Variants in DLGAP2 observed in about 807,000 individuals in gnomAD.
DLGAP2 encodes DLG associated protein 2, also known as disks large-associated protein 2.
A neutral mutation model predicts 100.3 loss-of-function variants in DLGAP2; 26 were observed. The observed-to-expected ratio is 0.26, with a 90% CI of 0.19 to 0.36. The LOEUF (loss-of-function observed/expected upper bound fraction) is 0.36, where lower values mean the gene tolerates loss of function less well. DLGAP2 is among the 10% of genes least tolerant of loss of function. The pLI, the probability that DLGAP2 is intolerant of heterozygous loss-of-function variation, is 1.00. For synonymous variants in DLGAP2, 886 were observed against 630.1 expected (o/e 1.41, Z -6.08); for missense variants, 1,858 against 1,453.2 (o/e 1.28, Z -4.53).
Position 1,699,517 on chromosome 8 carries a change from G to A in DLGAP2, c.2950-1671G>A, listed in dbSNP as rs1048108163. ...TAGTCCCAGCTACTCAGGAGGCTGA[G>A]GCAGGAGAATGGAGTGAACCCGGAA... On this transcript the variant is annotated intron_variant, in intron 14 of 14. Transcript: ENST00000637795. Among the ~76,000 whole-genome samples, 69 of 152,188 alleles carry A rather than the reference G, an allele frequency of 4.5e-4. 1 individual carries two copies. Among genetic ancestry groups the A allele is most frequent in the African/African-American group, 1.5e-3 (62 of 41,548 alleles).
At chr8:1,462,588 G>A (rs956329468) in intron 3 of DLGAP2, among the ~76,000 whole-genome samples, 7 of 152,098 alleles carry the variant, frequency 4.6e-5, no homozygotes, top group South Asian at 2.1e-4. Context: ...CTGCTGTCAC[G>A]GGACTGTGGC....
intron 3 of DLGAP2, among the ~76,000 whole-genome samples, chr8:1,287,658 GTATGGTTC>G (rs1799969790): frequency 9.8e-6 from 1 of 101,830 alleles, no homozygotes; most frequent in Non-Finnish European, 1.9e-5. Context: ...GTGTGTGTGT[GTATGGTTC>G]TGTTAGGAGG....
At chr8:1,167,998 A>G (rs1025318876) in intron 2 of DLGAP2, among the ~76,000 whole-genome samples, 6 of 150,758 alleles carry the variant, frequency 4.0e-5, no homozygotes, top group African/African-American at 1.5e-4. Context: ...GTCATCTAGC[A>G]TTAGGTATAT....
chr8:780,363 C>T (rs1273005795), intron 1 of DLGAP2, among the ~76,000 whole-genome samples: 3 of 152,206 alleles, frequency 2.0e-5, no homozygotes, highest in Non-Finnish European at 4.4e-5. Context: ...ACTGTGCACA[C>T]ACCACGTTTT....
At chr8:902,624 C>G (rs11784528) in intron 1 of DLGAP2, among the ~76,000 whole-genome samples, 6,528 of 11,076 alleles carry the variant, frequency 0.59, 1,862 homozygotes, top group Admixed American at 0.68. Flanking sequence ...TGCCAGGGGT[C>G]GGGGGTGGAA....
chr8:1,672,297 G>A (rs1798710197), intron 10 of DLGAP2, among the ~76,000 whole-genome samples: 1 of 151,096 alleles, frequency 6.6e-6, no homozygotes, highest in Non-Finnish European at 1.5e-5. Context: ...ACGATCTCAG[G>A]TCACTGCAGC....
At chr8:1,361,175 C>T (rs1409154237) in intron 3 of DLGAP2, among the ~76,000 whole-genome samples, 1 of 152,174 alleles carries the variant, frequency 6.6e-6, no homozygotes, top group African/African-American at 2.4e-5. Context: ...GCAACAGTGT[C>T]TGCAGGGGTC....
chr8:1,452,596 A>G (rs1162622927), intron 3 of DLGAP2, among the ~76,000 whole-genome samples: 3 of 152,218 alleles, frequency 2.0e-5, no homozygotes, highest in African/African-American at 7.2e-5. Context: ...TGGAGGCAGG[A>G]CACAGGGAAG....
At chr8:1,449,724 C>T (rs1431728118) in intron 3 of DLGAP2, among the ~76,000 whole-genome samples, 1 of 152,114 alleles carries the variant, frequency 6.6e-6, no homozygotes, top group Non-Finnish European at 1.5e-5. Context: ...CCAGGACAAG[C>T]CTTGCTGTAA....
At chr8:1,158,571 T>C (rs13273049) in intron 2 of DLGAP2, among the ~76,000 whole-genome samples, 63,419 of 152,158 alleles carry the variant, frequency 0.42, 13,837 homozygotes, top group Non-Finnish European at 0.48. Flanking sequence ...CTGCTCTCTT[T>C]TCATGGCTTT....
intron 1 of DLGAP2, among the ~76,000 whole-genome samples, chr8:785,171 C>T (rs1321759130): frequency 7.7e-6 from 1 of 130,364 alleles, no homozygotes; most frequent in Non-Finnish European, 1.5e-5. Flanking sequence ...GAGCAGAGAT[C>T]GTGCCACTGC....
intron 2 of DLGAP2, among the ~76,000 whole-genome samples, chr8:1,121,774 A>G (rs555468487): frequency 6.6e-6 from 1 of 151,920 alleles, no homozygotes; most frequent in East Asian, 1.9e-4. Flanking sequence ...ATGACCACCC[A>G]TCCTTGTCTC....
At chr8:919,194 G>A (rs1262294295) in intron 2 of DLGAP2, among the ~76,000 whole-genome samples, 1 of 152,220 alleles carries the variant, frequency 6.6e-6, no homozygotes, top group African/African-American at 2.4e-5. Flanking sequence ...ACTTGACATT[G>A]TAATTGAAAC....
At chr8:1,652,071 C>T (rs1005229461) in intron 8 of DLGAP2, among the ~76,000 whole-genome samples, 1 of 152,232 alleles carries the variant, frequency 6.6e-6, no homozygotes, top group African/African-American at 2.4e-5. Flanking sequence ...TCTGGTCATA[C>T]ACTCTTTAAC....
At chr8:1,570,431 A>G (rs565448004) in intron 6 of DLGAP2, among the ~76,000 whole-genome samples, 3 of 152,252 alleles carry the variant, frequency 2.0e-5, no homozygotes, top group Non-Finnish European at 4.4e-5. Flanking sequence ...TTTAACGTGT[A>G]GCAGGTGAAT....
At chr8:1,039,965 TGC>T (rs1263182954) in intron 2 of DLGAP2, among the ~76,000 whole-genome samples, 3 of 147,956 alleles carry the variant, frequency 2.0e-5, no homozygotes, top group African/African-American at 7.6e-5. Flanking sequence ...CAGCTCGGTG[TGC>T]GTGGTCGGCT....
chr8:1,092,548 G>A (rs1288826560), intron 2 of DLGAP2, among the ~76,000 whole-genome samples: 6 of 152,200 alleles, frequency 3.9e-5, no homozygotes, highest in Non-Finnish European at 5.9e-5. Flanking sequence ...AGAGGGGGCT[G>A]TGGCCGGCTC....
At chr8:1,044,997 G>C (rs11997015) in intron 2 of DLGAP2, among the ~76,000 whole-genome samples, 2,747 of 152,298 alleles carry the variant, frequency 0.018, 84 homozygotes, top group African/African-American at 0.062. Flanking sequence ...AGACTTAAAA[G>C]GTCCTTGTCA....
chr8:1,164,164 GGGCCCGTCATTTT>G lies in DLGAP2; in HGVS notation c.74-94684_74-94672del, dbSNP rs1563224134. 2.9e-4 allele frequency among the ~76,000 whole-genome samples: 30 copies of G among 103,936 alleles called. 2 individuals carry two copies. The highest frequency in any genetic ancestry group is 1.0e-3 in the African/African-American group (30 of 29,264). The allele number at this position is 103,936 out of a possible 152,430, so 68.2% of individuals were successfully genotyped here. On this transcript the variant is annotated intron_variant, in intron 2 of 14. Transcript: ENST00000637795. ...TGGGGATTTTTCTGTGAGCCCCCCA[GGGCCCGTCATTTT>G]GGTTTGTGGGGATTTTTCTGTGAGC...
Sources: allele counts gnomAD v4.1 joint callset (sites outside exome capture counted in the v4.1 genomes callset), GRCh38; gene constraint gnomAD v4.1.1; transcripts MANE v1.5; gene names NCBI Gene and HGNC (gene_info 2026-07-23, HGNC 2026-07-21).